Variants in P2RX4 observed in about 807,000 individuals in gnomAD.
P2RX4 encodes P2X purinoceptor 4.
A neutral mutation model predicts 48.0 loss-of-function variants in P2RX4; 37 were observed. That is an observed-to-expected ratio of 0.77 (90% confidence interval 0.59 to 1.01). The LOEUF is 1.01. Ranked by LOEUF, P2RX4 falls within the 50% of genes least tolerant of loss-of-function variation. The pLI is 0.00. For synonymous variants in P2RX4, 200 were observed against 199.7 expected, an observed-to-expected ratio of 1.00 and a Z score of -0.01; for missense variants, 501 against 521.4, an observed-to-expected ratio of 0.96 and a Z score of 0.38.
intron 8 of P2RX4, among the ~76,000 whole-genome samples, chr12:121,230,436 G>T (rs539248866): frequency 1.3e-5 from 2 of 152,350 alleles, no homozygotes; most frequent in Admixed American, 1.3e-4. Flanking sequence ...GGTCAGCGGT[G>T]CTTTGGGCTG....
chr12:121,227,542 A>ACGCCTG (rs796231131), intron 5 of P2RX4, among the ~76,000 whole-genome samples: 33 of 152,304 alleles, frequency 2.2e-4, no homozygotes, highest in African/African-American at 7.7e-4. Context: ...TCCCTGGAGA[A>ACGCCTG]CGCCTGCGGC....
chr12:121,217,982 G>C (rs190059687), intron 2 of P2RX4, among the ~76,000 whole-genome samples: 3 of 152,220 alleles, frequency 2.0e-5, no homozygotes, highest in Non-Finnish European at 2.9e-5. Context: ...GCACCACACA[G>C]TCAAACCCGA....
At chr12:121,218,168 G>A (rs891697084) in intron 2 of P2RX4, among the ~76,000 whole-genome samples, 4 of 152,090 alleles carry the variant, frequency 2.6e-5, no homozygotes, top group African/African-American at 9.7e-5. Context: ...TCCCCAGAGA[G>A]GAGACCGAGC....
intron 5 of P2RX4, among the ~76,000 whole-genome samples, chr12:121,226,806 TG>T (rs1887004168): frequency 6.6e-6 from 1 of 150,764 alleles, no homozygotes. Flanking sequence ...CTTGAGGGAG[TG>T]GGGACTTTGA....
At chr12:121,222,524 T>G (rs925824428) in intron 4 of P2RX4, 22 of 438,776 alleles carry the variant, frequency 5.0e-5, no homozygotes, top group Admixed American at 2.3e-4. Flanking sequence ...ACAATTCTCC[T>G]GCCTCAGCCT....
chr12:121,223,135 G>A, intron 5 of P2RX4, 92 bp downstream of exon 5: 1 of 791,692 alleles, frequency 1.3e-6, no homozygotes, highest in Non-Finnish European at 2.2e-6. Context: ...GTGCAGTGGT[G>A]CGATCTTGGC....
rs1457457550 is a variant in P2RX4, at chr12:121,228,383, AAAAT to A, written c.525-148_525-145del. The A allele has an allele frequency of 4.2e-3, 747 of 178,210 alleles. 2 individuals carry two copies. The highest frequency in any genetic ancestry group is 0.02 in the African/African-American group (664 of 33,256). The allele number at this position is 178,210 out of a possible 1,614,324, so 11.0% of individuals were successfully genotyped here. On this transcript the variant is annotated intron_variant, in intron 5 of 11. Transcript: ENST00000337233. ...ACTCCATCTCAAAAAAAAAAAAAAA[AAAAT>A]ATATATATATATATATATACACACA... is the stretch of plus-strand genomic sequence containing the variant.
chr12:121,219,695 A>G (rs2136224512), intron 2 of P2RX4, among the ~76,000 whole-genome samples: 1 of 152,174 alleles, frequency 6.6e-6, no homozygotes, highest in South Asian at 2.1e-4. Context: ...ATAGGATAGG[A>G]GAAAGAAAGG....
chr12:121,229,161 C>T lies in P2RX4; in HGVS notation c.884+62C>T. The T allele has an allele frequency of 6.3e-7, 1 of 1,597,312 alleles. No individual in the cohort carries two copies. Among genetic ancestry groups the T allele is most frequent in the Non-Finnish European group, 8.6e-7 (1 of 1,165,994 alleles). On this transcript the variant is annotated intron_variant, in intron 8 of 11. Transcript: ENST00000337233. This position sits in a 1 kb window ranked among gnomAD's most constrained non-coding sequence, Gnocchi z 4.6. ...GGGGTGCTGGTGGCTGCGTACGTGCCAGTGGGCCGCCCACTGAAGACCAGC... is the reference window on the plus strand; with the variant it reads ...GGGGTGCTGGTGGCTGCGTACGTGCTAGTGGGCCGCCCACTGAAGACCAGC...
At chr12:121,219,828 TTAGATAGATAGATAGA>T (rs3838806) in intron 2 of P2RX4, among the ~76,000 whole-genome samples, 18 of 150,340 alleles carry the variant, frequency 1.2e-4, no homozygotes, top group Admixed American at 2.7e-4. Context: ...ATAGGATAGA[TTAGATAGATAGATAGA>T]TAGATAGATA....
intron 5 of P2RX4, among the ~76,000 whole-genome samples, chr12:121,226,878 C>T (rs1473894296): frequency 6.6e-6 from 1 of 151,762 alleles, no homozygotes; most frequent in African/African-American, 2.4e-5. Context: ...TTTGGGAGAC[C>T]GAGGTGGGTG....
At position 121,233,773 on chromosome 12, in the gene P2RX4, G is replaced by A; in HGVS notation, c.*224G>A. ...GTCTGTTCTTGGCTGGGTCAACTCT[G>A]CTTTTCCCGCAACCTGGGGTTGTCG... On this transcript the variant is annotated 3_prime_UTR_variant, in exon 12 of 12. Coordinates refer to ENST00000337233, the MANE Select transcript of P2RX4 (RefSeq NM_002560.3). 2 of 1,091,142 alleles carry A rather than the reference G, an allele frequency of 1.8e-6. No individual in the cohort carries two copies. The highest frequency in any genetic ancestry group is 2.5e-6 in the Non-Finnish European group (2 of 785,558). 67.6% of individuals were successfully genotyped at this position (1,091,142 alleles called of 1,614,324 possible).
intron 1 of P2RX4, among the ~76,000 whole-genome samples, chr12:121,211,068 T>C (rs1488322189): frequency 6.6e-6 from 1 of 152,204 alleles, no homozygotes; most frequent in African/African-American, 2.4e-5. Flanking sequence ...TTTTCTGGGC[T>C]TGTGGGGCTT....
In P2RX4 at chr12:121,222,399, T is replaced by G. The variant is rs112565669; in HGVS notation, c.427+233T>G. ...TTGTTGTTGTTGTTGTTTTTTCTTG[T>G]TTTTTTTTTTGTTTTGTTTTTTTGT... On this transcript the variant is annotated intron_variant, in intron 4 of 11. Transcript: ENST00000337233. 6.5e-3 allele frequency: 2,444 copies of G among 376,204 alleles called. 36 individuals carry two copies. Among genetic ancestry groups the G allele is most frequent in the African/African-American group, 0.05 (2,129 of 42,534 alleles). The allele number at this position is 376,204 out of a possible 1,614,324, so 23.3% of individuals were successfully genotyped here.
chr12:121,222,410 G>GTTTTGTTT, intron 4 of P2RX4: 1 of 444,106 alleles, frequency 2.3e-6, no homozygotes, highest in Non-Finnish European at 4.0e-6. Flanking sequence ...TTTTTTTTTT[G>GTTTTGTTT]TTTTGTTTTT....
In P2RX4 at chr12:121,232,807, C is replaced by A; in HGVS notation, c.1044+131C>A. 1.1e-6 allele frequency: 1 copy of A among 919,774 alleles called. No individual in the cohort carries two copies. Among genetic ancestry groups the A allele is most frequent in the Non-Finnish European group, 1.8e-6 (1 of 562,800 alleles). The allele number at this position is 919,774 out of a possible 1,614,324, so 57.0% of individuals were successfully genotyped here. On this transcript the variant is annotated intron_variant, in intron 10 of 11. Coordinates refer to ENST00000337233, the MANE Select transcript of P2RX4 (RefSeq NM_002560.3). This position sits in a 1 kb window ranked among gnomAD's most constrained non-coding sequence, Gnocchi z 4.3. The stretch of plus-strand genomic sequence containing the variant: ...GACCCTCCTACCTTCTTTCCCTTGG[C>A]CCCCAGCCCTCCTCCCACCTTCCCT...
chr12:121,223,174 AGTGATTTTCT>A lies in P2RX4; in HGVS notation c.524+135_524+144del, dbSNP rs1167629887. The stretch of plus-strand genomic sequence containing the variant: ...CCACAACCTCCACCTCCCGTGTTCA[AGTGATTTTCT>A]GTGCCTCAGCCTCCCGAGTAGCTGA... On this transcript the variant is annotated intron_variant, in intron 5 of 11. Transcript: ENST00000337233. The A allele has an allele frequency of 6.1e-6, 4 of 659,080 alleles. No individual in the cohort carries two copies. In the East Asian group the frequency reaches 1.1e-4, roughly 18 times the overall value. 40.8% of individuals were successfully genotyped at this position (659,080 alleles called of 1,614,324 possible). A position where few individuals can be genotyped will look rare whatever the true frequency, so the allele number is the denominator to read the frequency against.
At chr12:121,230,982 A>ATATTT (rs1471846304) in intron 8 of P2RX4, among the ~76,000 whole-genome samples, 141 of 113,252 alleles carry the variant, frequency 1.2e-3, no homozygotes, top group East Asian at 0.011. Flanking sequence ...ATATATATAT[A>ATATTT]TTTTTTTTTT....
Position 121,222,133 on chromosome 12 carries a change from T to C in P2RX4, c.394T>C (p.Cys132Arg). 1 of 1,613,486 alleles carries C rather than the reference T, an allele frequency of 6.2e-7. No homozygotes were observed. The highest frequency in any genetic ancestry group is 8.5e-7 in the Non-Finnish European group (1 of 1,179,420). ...ATTVCKSDAS[C>R]TAGSAGTHSN... is the part of the protein sequence containing the mutation. Reference sequence around the variant, plus strand: ...CACTGTGTGTAAATCAGATGCCAGCTGTACTGCCGGCTCTGCCGGCACCCA... The same window carrying C: ...CACTGTGTGTAAATCAGATGCCAGCCGTACTGCCGGCTCTGCCGGCACCCA... Residue 132 changes from cysteine to arginine, a missense_variant, in exon 4 of 12, where the codon TGT becomes CGT. Physicochemically the swap from Cys to Arg is radical, Grantham distance 180. This residue lies in a region of P2RX4 where 295 missense variants were observed against 275.3 expected (regional missense o/e 1.07). Coordinates refer to ENST00000337233, the MANE Select transcript of P2RX4 (RefSeq NM_002560.3).
Sources: gnomAD v4.1 joint callset for allele counts (sites outside exome capture counted in the v4.1 genomes callset) on GRCh38, gnomAD v4.1.1 for gene constraint, gnomAD v4.1.1 regional missense constraint, Gnocchi (gnomAD v3.1) non-coding constraint, MANE v1.5 for transcripts, NCBI Gene and HGNC (gene_info 2026-07-23, HGNC 2026-07-21) for gene names.